The following NAALADL2 variants were observed in gnomAD, a reference collection of about 807,000 sequenced individuals.
The protein encoded by NAALADL2 is inactive N-acetylated-alpha-linked acidic dipeptidase-like protein 2.
NAALADL2 carries 76 observed loss-of-function variants against 87.2 expected under a neutral mutation model. That is an observed-to-expected ratio of 0.87 (90% CI 0.72 to 1.05). The LOEUF (loss-of-function observed/expected upper bound fraction) is 1.05, where lower values mean the gene tolerates loss of function less well. NAALADL2 is among the 50% of genes least tolerant of loss of function. The pLI is 0.00. For synonymous variants in NAALADL2, 354 were observed against 331.0 expected, an observed-to-expected ratio of 1.07 and a Z score of -0.75; for missense variants, 1,089 against 945.8, an observed-to-expected ratio of 1.15 and a Z score of -1.99.
intron 1 of NAALADL2, among the ~76,000 whole-genome samples, chr3:174,442,611 A>G (rs1559988292): frequency 1.3e-5 from 2 of 152,204 alleles, no homozygotes; most frequent in Non-Finnish European, 2.9e-5. Flanking sequence ...CTTATTAGTC[A>G]ACAATTGTTT....
chr3:174,649,041 A>G (rs1340807640), intron 2 of NAALADL2, among the ~76,000 whole-genome samples: 3 of 151,940 alleles, frequency 2.0e-5, no homozygotes, highest in Non-Finnish European at 4.4e-5. Flanking sequence ...GCTCACTGCA[A>G]CCTCTGCCTC....
chr3:175,715,396 T>A (rs1741095479), intron 11 of NAALADL2, among the ~76,000 whole-genome samples: 1 of 152,196 alleles, frequency 6.6e-6, no homozygotes, highest in Admixed American at 6.6e-5. Context: ...TTGGTCTATC[T>A]CTAATTGGTA....
intron 5 of NAALADL2, among the ~76,000 whole-genome samples, chr3:175,360,812 GTGTGTGTGTGTGTA>G (rs1233957461): frequency 1.4e-4 from 14 of 98,394 alleles, no homozygotes; most frequent in African/African-American, 3.9e-4. Context: ...ATATTCCACT[GTGTGTGTGTGTGTA>G]TGTGTGTGTG....
At chr3:174,915,617 G>A (rs897333500) in intron 1 of NAALADL2, among the ~76,000 whole-genome samples, 1 of 151,784 alleles carries the variant, frequency 6.6e-6, no homozygotes, top group African/African-American at 2.4e-5. Context: ...GAAATTGAGA[G>A]GAAAACAAAA....
intron 13 of NAALADL2, among the ~76,000 whole-genome samples, chr3:175,780,562 T>C (rs1394172164): frequency 6.6e-6 from 1 of 152,202 alleles, no homozygotes; most frequent in African/African-American, 2.4e-5. Flanking sequence ...CTTTATGTGT[T>C]AATAAAACCA....
rs964006784 is a variant in NAALADL2, at chr3:175,332,864, C to T, written c.1090+8539C>T. Among the ~76,000 whole-genome samples, 8 of 152,098 alleles carry T rather than the reference C, an allele frequency of 5.3e-5. No individual in the cohort carries two copies. The East Asian group carries it at 9.7e-4, about 18-fold the overall frequency. On this transcript the variant is annotated intron_variant, in intron 5 of 13. Transcript: ENST00000454872. ...ATTATTGTACTGGAGTCTATTTCTC[C>T]GTTTAGATCTAATAATGCATGCTTT... is the stretch of plus-strand genomic sequence containing the variant.
chr3:174,778,063 T>C (rs965631571), intron 3 of NAALADL2, among the ~76,000 whole-genome samples: 4 of 152,116 alleles, frequency 2.6e-5, no homozygotes, highest in African/African-American at 7.2e-5. Flanking sequence ...TGAATACTTA[T>C]TATATGCCTA....
At position 175,380,473 on chromosome 3, in the gene NAALADL2, C is replaced by T. The variant is rs371634201; in HGVS notation, c.1090+56148C>T. Among the ~76,000 whole-genome samples the T allele has an allele frequency of 2.2e-4, 34 of 151,866 alleles. 1 individual carries two copies. Among genetic ancestry groups the T allele is most frequent in the Middle Eastern group, 6.8e-3 (2 of 294 alleles). On this transcript the variant is annotated intron_variant, in intron 5 of 13. Transcript: ENST00000454872. ...TAGGTCTCATTTTTCCATTTTTTTC[C>T]GCAAAGAATTACAGACAAAAATAAA...
chr3:174,983,010 G>C (rs1011993307), intron 1 of NAALADL2, among the ~76,000 whole-genome samples: 1 of 152,156 alleles, frequency 6.6e-6, no homozygotes, highest in Non-Finnish European at 1.5e-5. Flanking sequence ...ATGTTAGCCA[G>C]GATGGTCTCG....
chr3:174,530,167 TCTA>T (rs1245782690), intron 1 of NAALADL2, among the ~76,000 whole-genome samples: 2 of 152,162 alleles, frequency 1.3e-5, no homozygotes, highest in African/African-American at 2.4e-5. Context: ...AGAAATTTCT[TCTA>T]CCAGATACTC....
At chr3:174,773,624 G>A (rs1442767312) in intron 3 of NAALADL2, among the ~76,000 whole-genome samples, 3 of 152,156 alleles carry the variant, frequency 2.0e-5, no homozygotes, top group Non-Finnish European at 4.4e-5. Flanking sequence ...GAGAATAAAT[G>A]TCTATCTCAT....
At chr3:175,052,403 G>A (rs1317749049) in intron 1 of NAALADL2, among the ~76,000 whole-genome samples, 1 of 152,166 alleles carries the variant, frequency 6.6e-6, no homozygotes, top group African/African-American at 2.4e-5. Context: ...TTCCCAACAT[G>A]TTCTCCTTCT....
chr3:174,698,141 A>G (rs1729205024), intron 2 of NAALADL2, among the ~76,000 whole-genome samples: 1 of 152,080 alleles, frequency 6.6e-6, no homozygotes, highest in Non-Finnish European at 1.5e-5. Flanking sequence ...AAATAAATGT[A>G]TTGTGTAATA....
In NAALADL2 at chr3:174,979,308, T is replaced by C. The variant is rs183267509; in HGVS notation, c.44-117482T>C. 6.9e-3 allele frequency among the ~76,000 whole-genome samples: 977 copies of C among 140,744 alleles called. 16 individuals are homozygous for C. The highest frequency in any genetic ancestry group is 0.025 in the African/African-American group (926 of 37,064). 92.3% of individuals were successfully genotyped at this position (140,744 alleles called of 152,430 possible). ...ATAATTTTCTTTCTTTCTTTTCTTT[T>C]TTTTTTTTTTTTTTTGAGACGGAGT... On this transcript the variant is annotated intron_variant, in intron 1 of 13. Coordinates refer to ENST00000454872, the MANE Select transcript of NAALADL2 (RefSeq NM_207015.3).
At chr3:175,144,711 T>A (rs1158403241) in intron 2 of NAALADL2, among the ~76,000 whole-genome samples, 2 of 151,944 alleles carry the variant, frequency 1.3e-5, no homozygotes, top group Non-Finnish European at 2.9e-5. Flanking sequence ...TCAGGTTTAT[T>A]CTCTAAATCC....
chr3:174,672,490 G>A (rs536539981), intron 2 of NAALADL2, among the ~76,000 whole-genome samples: 2 of 151,976 alleles, frequency 1.3e-5, no homozygotes, highest in Admixed American at 1.3e-4. Flanking sequence ...TGGATCTTAT[G>A]TTCTAGCAAG....
intron 8 of NAALADL2, among the ~76,000 whole-genome samples, chr3:175,468,648 C>T (rs775931719): frequency 1.2e-4 from 18 of 151,884 alleles, no homozygotes; most frequent in Admixed American, 1.3e-4. Flanking sequence ...TAGTAACTGT[C>T]ACAATTAATT....
chr3:175,131,797 CGG>C (rs1038449321), intron 2 of NAALADL2, among the ~76,000 whole-genome samples: 2 of 132,398 alleles, frequency 1.5e-5, no homozygotes, highest in Admixed American at 7.2e-5. Flanking sequence ...CCCTCCCGGA[CGG>C]GGGGCCTGGC....
intron 1 of NAALADL2, among the ~76,000 whole-genome samples, chr3:174,498,888 T>C (rs1718714204): frequency 6.6e-6 from 1 of 152,006 alleles, no homozygotes; most frequent in Non-Finnish European, 1.5e-5. Flanking sequence ...TTTACAATTG[T>C]CCACCCTTAT....
Sources: allele counts gnomAD v4.1 joint callset (sites outside exome capture counted in the v4.1 genomes callset), GRCh38; gene constraint gnomAD v4.1.1; transcripts MANE v1.5; gene names NCBI Gene and HGNC (gene_info 2026-07-23, HGNC 2026-07-21).